Variants in FMO3 observed in about 807,000 individuals in gnomAD.
The protein encoded by FMO3 is flavin-containing monooxygenase 3.
FMO3 carries 40 observed loss-of-function variants against 39.4 expected under a neutral mutation model. The ratio of observed to expected loss-of-function variants is 1.02; its 90% CI spans 0.79 to 1.32. The LOEUF (loss-of-function observed/expected upper bound fraction) is 1.32. Among genes scored for constraint, FMO3 ranks in the 40% most tolerant of loss-of-function variants. The probability of loss-of-function intolerance (pLI) is 0.00; values close to 1 mark genes in which losing one functional copy is unlikely to be tolerated. For missense variants in FMO3, 680 were observed against 651.8 expected, an observed-to-expected ratio of 1.04 and a Z score of -0.47; for synonymous variants, 219 against 228.8, an observed-to-expected ratio of 0.96 and a Z score of 0.39.
chr1:171,106,762 C>G (rs2101912032), intron 3 of FMO3, among the ~76,000 whole-genome samples: 1 of 152,052 alleles, frequency 6.6e-6, no homozygotes, highest in South Asian at 2.1e-4. Flanking sequence ...AAGAGTTAGG[C>G]AAGGTGGTGG....
At chr1:171,096,782 T>G (rs1451002576) in intron 2 of FMO3, among the ~76,000 whole-genome samples, 1 of 90,964 alleles carries the variant, frequency 1.1e-5, no homozygotes. Flanking sequence ...TATAATTATA[T>G]TAAAAATATA....
intron 2 of FMO3, among the ~76,000 whole-genome samples, chr1:171,099,272 A>G (rs1343759949): frequency 1.3e-5 from 2 of 152,152 alleles, no homozygotes; most frequent in Non-Finnish European, 2.9e-5. Context: ...ACAGTTTGTT[A>G]TAATTTCTGT....
At chr1:171,101,514 G>T (rs998397789) in intron 2 of FMO3, among the ~76,000 whole-genome samples, 10 of 152,028 alleles carry the variant, frequency 6.6e-5, no homozygotes, top group South Asian at 2.1e-4. Context: ...CCTTCCCTTT[G>T]GTTTCTAACA....
intron 1 of FMO3, among the ~76,000 whole-genome samples, chr1:171,092,234 T>G (rs754845263): frequency 6.6e-6 from 1 of 152,090 alleles, no homozygotes; most frequent in Non-Finnish European, 1.5e-5. Context: ...GAATTTGTTT[T>G]CTAGAGACAA....
intron 2 of FMO3, among the ~76,000 whole-genome samples, chr1:171,094,770 C>A (rs28745590): frequency 6.6e-6 from 1 of 152,078 alleles, no homozygotes; most frequent in Admixed American, 6.6e-5. Context: ...TTATTTCTGA[C>A]TTCTCTATTC....
At chr1:171,102,031 C>T (rs1041425746) in intron 2 of FMO3, among the ~76,000 whole-genome samples, 6 of 152,112 alleles carry the variant, frequency 3.9e-5, no homozygotes, top group Non-Finnish European at 7.3e-5. Context: ...AATTTTTGCA[C>T]TTCCCCATCC....
In FMO3 at chr1:171,103,946, G is replaced by A. The variant is rs762036859; in HGVS notation, c.294G>A (p.Lys98=). ...ATATCATTGCATTTGCCAAAGAAAA[G>A]AACCTCCTGAAGTACATACAATTTA... The part of the protein sequence containing the change: ...QEYIIAFAKE[K]NLLKYIQFKT... The change falls in exon 3 of 9, where the codon AAG becomes AAA. Residue 98 remains lysine, a synonymous_variant. Coordinates refer to ENST00000367755, the MANE Select transcript of FMO3 (RefSeq NM_001002294.3). 29 of 1,613,396 alleles carry A rather than the reference G, an allele frequency of 1.8e-5. No individual in the cohort carries two copies. Among genetic ancestry groups the A allele is most frequent in the Non-Finnish European group, 2.0e-5 (24 of 1,179,616 alleles).
chr1:171,105,460 C>T (rs1655596355), intron 3 of FMO3, among the ~76,000 whole-genome samples: 1 of 152,096 alleles, frequency 6.6e-6, no homozygotes, highest in Non-Finnish European at 1.5e-5. Flanking sequence ...TGAGGAATCG[C>T]CACACTGACT....
intron 6 of FMO3, among the ~76,000 whole-genome samples, chr1:171,111,791 G>A (rs1001622641): frequency 6.6e-6 from 1 of 152,192 alleles, no homozygotes; most frequent in African/African-American, 2.4e-5. Flanking sequence ...CACATCCTGT[G>A]TTTAGCCCTG....
rs746446910 is a variant in FMO3, at chr1:171,107,475, G to A, written c.322-200G>A. ...CACTCTTGTACTCCAGAAGATACTG[G>A]TTATGCACAAGAAATCATGCAGGGA... On this transcript the variant is annotated intron_variant, in intron 3 of 8. Coordinates refer to ENST00000367755, the MANE Select transcript of FMO3 (RefSeq NM_001002294.3). 4.7e-4 allele frequency among the ~76,000 whole-genome samples: 71 copies of A among 152,134 alleles called. 1 individual carries two copies. Among genetic ancestry groups the A allele is most frequent in the Admixed American group, 3.1e-3 (48 of 15,264 alleles).
At chr1:171,116,317 C>T (rs866796160) in intron 8 of FMO3, 37 bp downstream of exon 8, 2 of 1,117,816 alleles carry the variant, frequency 1.8e-6, no homozygotes, top group Middle Eastern at 2.1e-4. Context: ...GTAGGATTTC[C>T]ATAGAAAAGT....
intron 1 of FMO3, among the ~76,000 whole-genome samples, chr1:171,092,302 C>T (rs935119788): frequency 2.0e-5 from 3 of 152,180 alleles, no homozygotes; most frequent in Non-Finnish European, 4.4e-5. Context: ...TCACTGCAGC[C>T]TGGAACTCCT....
intron 2 of FMO3, among the ~76,000 whole-genome samples, chr1:171,096,645 A>AT (rs1655087656): frequency 2.0e-5 from 1 of 49,758 alleles, no homozygotes; most frequent in African/African-American, 9.7e-5. Context: ...TTAAATACAT[A>AT]ATATATTTTA....
chr1:171,112,336 G>C (rs1301525117), intron 6 of FMO3, among the ~76,000 whole-genome samples: 1 of 152,188 alleles, frequency 6.6e-6, no homozygotes, highest in Non-Finnish European at 1.5e-5. Context: ...ATCGGCTGCT[G>C]TGGTCATCAT....
At chr1:171,098,907 G>A (rs569457295) in intron 2 of FMO3, among the ~76,000 whole-genome samples, 3 of 152,288 alleles carry the variant, frequency 2.0e-5, no homozygotes, top group East Asian at 1.9e-4. Flanking sequence ...TGCCCATTCA[G>A]TATGATATTG....
rs762028832 is a variant in FMO3 at position 171,114,150 on chromosome 1, G to C, written c.971G>C (p.Cys324Ser). Reference protein sequence around the residue: ...EDGTIFEGIDCVIFATGYSFA... With the variant: ...EDGTIFEGIDSVIFATGYSFA... ...GGGACCATATTTGAGGGCATTGACTGTGTAATCTTTGCAACAGGGTATAGT... is the reference window on the plus strand; with the variant it reads ...GGGACCATATTTGAGGGCATTGACTCTGTAATCTTTGCAACAGGGTATAGT... Residue 324 changes from cysteine to serine, a missense_variant, in exon 7 of 9, where the codon TGT (cysteine) becomes TCT (serine). Cys to Ser is a moderately radical substitution (Grantham distance 112). Coordinates refer to ENST00000367755, the MANE Select transcript of FMO3 (RefSeq NM_001002294.3). 2.2e-5 allele frequency: 35 copies of C among 1,613,926 alleles called. No individual in the cohort carries two copies. In the South Asian group the frequency reaches 3.7e-4, roughly 17 times the overall value.
At chr1:171,104,910 C>T (rs1321083318) in intron 3 of FMO3, among the ~76,000 whole-genome samples, 5 of 151,548 alleles carry the variant, frequency 3.3e-5, no homozygotes, top group Non-Finnish European at 7.4e-5. Context: ...AAAAAGCTGG[C>T]AGTGTAAGGA....
At chr1:171,096,084 T>G (rs1452915912) in intron 2 of FMO3, among the ~76,000 whole-genome samples, 1 of 79,718 alleles carries the variant, frequency 1.3e-5, no homozygotes, top group South Asian at 4.0e-4. Context: ...ATATATAATA[T>G]ATATTAATAT....
At chr1:171,115,665 T>G (rs1656114938) in intron 7 of FMO3, among the ~76,000 whole-genome samples, 1 of 152,220 alleles carries the variant, frequency 6.6e-6, no homozygotes, top group Admixed American at 6.5e-5. Context: ...TGCAAACTTA[T>G]GTAAACCTGG....
Sources: gnomAD v4.1 joint callset for allele counts (sites outside exome capture counted in the v4.1 genomes callset) on GRCh38, gnomAD v4.1.1 for gene constraint, MANE v1.5 for transcripts, NCBI Gene and HGNC (gene_info 2026-07-23, HGNC 2026-07-21) for gene names.